PRDM10: variants seen among roughly 807,000 people sequenced by gnomAD.
The protein encoded by PRDM10 is PR/SET domain 10, also known as PR domain zinc finger protein 10.
PRDM10 carries 65 observed loss-of-function variants against 133.1 expected under a neutral mutation model. The observed-to-expected ratio is 0.49, with a 90% CI of 0.40 to 0.60. The LOEUF (loss-of-function observed/expected upper bound fraction) is 0.60. Among genes scored for constraint, PRDM10 ranks in the 20% least tolerant of loss-of-function variants. The probability of loss-of-function intolerance (pLI) is 0.00; values close to 1 mark genes in which losing one functional copy is unlikely to be tolerated. For synonymous variants in PRDM10, 582 were observed against 580.4 expected (o/e 1.00, Z -0.04); for missense variants, 1,137 against 1,507.1 (o/e 0.75, Z 4.07).
rs1722684166 is a variant in PRDM10 at position 129,998,744 on chromosome 11, GA to G, written c.-119+3977del. Among the ~76,000 whole-genome samples the G allele has an allele frequency of 2.0e-5, 3 of 151,144 alleles. No individual in the cohort carries two copies. In the South Asian group the frequency reaches 6.3e-4, roughly 32 times the overall value. Reference sequence around the variant, plus strand: ...CAAGGATGGTCAATGGAAAGGCACAGAAAAATTTTGGAAGGTGGACAGAAAT... The same window carrying G: ...CAAGGATGGTCAATGGAAAGGCACAGAAAATTTTGGAAGGTGGACAGAAAT... On this transcript the variant is annotated intron_variant, in intron 1 of 20. Transcript: ENST00000360871.
At chr11:129,966,727 G>C (rs1365050840) in intron 1 of PRDM10, among the ~76,000 whole-genome samples, 1 of 152,130 alleles carries the variant, frequency 6.6e-6, no homozygotes, top group Non-Finnish European at 1.5e-5. Context: ...TGAGATTCAC[G>C]GGGAAAAAAT....
At chr11:129,962,942 A>T (rs944320161) in intron 1 of PRDM10, among the ~76,000 whole-genome samples, 15 of 152,162 alleles carry the variant, frequency 9.9e-5, no homozygotes, top group African/African-American at 3.6e-4. Flanking sequence ...TGAGGCCAGG[A>T]GTGCAAGACT....
chr11:129,982,277 T>C (rs1938153671), intron 1 of PRDM10, among the ~76,000 whole-genome samples: 1 of 151,478 alleles, frequency 6.6e-6, no homozygotes, highest in Non-Finnish European at 1.5e-5. Flanking sequence ...TGTGTGTCTG[T>C]GTGTGTGCGC....
chr11:129,929,329 T>C, intron 11 of PRDM10: 2 of 1,354,438 alleles, frequency 1.5e-6, no homozygotes, highest in Non-Finnish European at 2.0e-6. Flanking sequence ...CACCAGGATT[T>C]AGTAAGTACA....
chr11:129,905,797 A>G (rs767417643), intron 19 of PRDM10, 56 bp from the exon 20 acceptor site: 306 of 1,475,150 alleles, frequency 2.1e-4, no homozygotes, highest in Non-Finnish European at 2.8e-4. Context: ...CACAAGTCTT[A>G]GAAACAAAAA....
chr11:129,981,053 T>C (rs1037111616), intron 1 of PRDM10, among the ~76,000 whole-genome samples: 3 of 151,948 alleles, frequency 2.0e-5, no homozygotes, highest in Non-Finnish European at 4.4e-5. Context: ...GTATTTTTAG[T>C]GCAGATGGGG....
chr11:129,937,872 G>T (rs550350127), intron 7 of PRDM10, among the ~76,000 whole-genome samples: 1 of 152,308 alleles, frequency 6.6e-6, no homozygotes, highest in East Asian at 1.9e-4. Flanking sequence ...AAGACGCACT[G>T]CCTGTTTTCT....
At chr11:129,911,652 C>T (rs1347339783) in intron 18 of PRDM10, among the ~76,000 whole-genome samples, 1 of 152,238 alleles carries the variant, frequency 6.6e-6, no homozygotes, top group Non-Finnish European at 1.5e-5. Flanking sequence ...ACCACTTCTT[C>T]TAAAAAATGT....
At chr11:129,905,961 C>G (rs1425829322) in intron 19 of PRDM10, among the ~76,000 whole-genome samples, 1 of 152,190 alleles carries the variant, frequency 6.6e-6, no homozygotes. Flanking sequence ...CATTCCCCTT[C>G]AAATGTGGCT....
At chr11:129,905,820 C>A in intron 19 of PRDM10, 79 bp from the exon 20 acceptor site, 1 of 1,176,460 alleles carries the variant, frequency 8.5e-7, no homozygotes, top group Non-Finnish European at 1.2e-6. Context: ...TAACCAGTAG[C>A]CACAGTCCGC....
chr11:129,994,346 T>C (rs1424902684), intron 1 of PRDM10, among the ~76,000 whole-genome samples: 2 of 151,064 alleles, frequency 1.3e-5, no homozygotes, highest in Non-Finnish European at 2.9e-5. Flanking sequence ...GTGCCTGTAA[T>C]CCCAGCTACT....
Position 129,912,215 on chromosome 11 carries a change from G to A in PRDM10, c.2852C>T (p.Pro951Leu). The A allele has an allele frequency of 6.3e-7, 1 of 1,590,316 alleles. No individual in the cohort carries two copies. Among genetic ancestry groups the A allele is most frequent in the Non-Finnish European group, 8.6e-7 (1 of 1,165,820 alleles). The change falls in exon 18 of 21, where the codon CCT becomes CTT. Residue 951 changes from proline to leucine, a missense_variant. By Grantham distance (98) the Pro-to-Leu change is moderately conservative. Around this residue, in one of 6 missense-constraint regions of PRDM10, gnomAD observed 243 missense variants for 259.2 expected, o/e 0.94. Coordinates refer to ENST00000360871, the MANE Select transcript of PRDM10 (RefSeq NM_199437.2). ...QVVQVASATS[P>L]HQSQQSTVDV... ...CACAGTGGACTGCTGTGACTGGTGA[G>A]GGGAAGTGGCCTGGAAGGAGAAAAA...
At chr11:129,929,913 C>T (rs1950799870) in intron 11 of PRDM10, among the ~76,000 whole-genome samples, 1 of 152,182 alleles carries the variant, frequency 6.6e-6, no homozygotes, top group South Asian at 2.1e-4. Flanking sequence ...AGCTTGTTTT[C>T]CTTGCTGGCC....
chr11:130,002,721 C>T lies in PRDM10; in HGVS notation c.-119+1G>A, dbSNP rs1939499062. On this transcript the variant is annotated splice_donor_variant, in intron 1 of 20. Coordinates refer to ENST00000360871, the MANE Select transcript of PRDM10 (RefSeq NM_199437.2). LOFTEE classifies it low-confidence loss of function (5UTR_SPLICE). ...GTTCCCTTAATCCTTTAGGTACTTA[C>T]ACGACGTTGGGTGAGGGGAGCTGGA... The T allele has an allele frequency of 6.2e-6, 1 of 161,930 alleles. No individual in the cohort carries two copies. Among genetic ancestry groups the T allele is most frequent in the Non-Finnish European group, 1.4e-5 (1 of 72,988 alleles). 10.0% of individuals were successfully genotyped at this position (161,930 alleles called of 1,614,324 possible).
At position 129,944,799 on chromosome 11, in the gene PRDM10, T is replaced by C. The variant is rs772258648; in HGVS notation, c.734A>G (p.Glu245Gly). Residue 245 changes from glutamate to glycine, a missense_variant, in exon 6 of 21, where the codon GAG (glutamate) becomes GGG (glycine). Glu to Gly is a moderately conservative substitution (Grantham distance 98, BLOSUM62 -2). This residue lies in a region of PRDM10 where 635 missense variants were observed against 835.2 expected (regional missense o/e 0.76). Transcript: ENST00000360871. Reference sequence around the variant, plus strand: ...GAGGTGAATGTAACAGTCTTTCAGCTCCGAGCCCCTGACGAGAGGCCCCTC... The same window carrying C: ...GAGGTGAATGTAACAGTCTTTCAGCCCCGAGCCCCTGACGAGAGGCCCCTC... ...PVEGPLVRGS[E>G]LKDCYIHLKV... The C allele has an allele frequency of 2.1e-5, 34 of 1,613,738 alleles. No homozygotes were observed. The Admixed American group carries it at 5.3e-4, about 25-fold the overall frequency.
intron 5 of PRDM10, among the ~76,000 whole-genome samples, chr11:129,946,853 T>C (rs1247130593): frequency 6.6e-6 from 1 of 152,076 alleles, no homozygotes; most frequent in Non-Finnish European, 1.5e-5. Flanking sequence ...GAAGCTCTGG[T>C]GTGAGAGACC....
At chr11:129,985,795 AAAAAAAAAAAAAAAATATATATATAT>A (rs1299319600) in intron 1 of PRDM10, among the ~76,000 whole-genome samples, 22 of 121,894 alleles carry the variant, frequency 1.8e-4, no homozygotes, top group African/African-American at 8.3e-4. Flanking sequence ...AAAAAAAAAA[AAAAAAAAAAAAAAAATATATATATAT>A]ATATATATAT....
chr11:129,906,349 A>C (rs1382768588), intron 19 of PRDM10, among the ~76,000 whole-genome samples: 5 of 152,162 alleles, frequency 3.3e-5, no homozygotes, highest in African/African-American at 1.2e-4. Context: ...GAGGCATGTG[A>C]GAATAACGCA....
intron 1 of PRDM10, among the ~76,000 whole-genome samples, chr11:129,988,545 C>G (rs1427987892): frequency 2.0e-5 from 3 of 150,562 alleles, no homozygotes; most frequent in Non-Finnish European, 4.4e-5. Context: ...CCATATACAT[C>G]TTAAATAAGT....
Sources: gnomAD v4.1 joint callset for allele counts (sites outside exome capture counted in the v4.1 genomes callset) on GRCh38, gnomAD v4.1.1 for gene constraint, gnomAD v4.1.1 regional missense constraint, MANE v1.5 for transcripts, NCBI Gene and HGNC (gene_info 2026-07-23, HGNC 2026-07-21) for gene names.